DGKB: variants seen among roughly 807,000 people sequenced by gnomAD.
DGKB encodes the protein 90 kDa diacylglycerol kinase.
A neutral mutation model predicts 114.3 loss-of-function variants in DGKB; 67 were observed. The ratio of observed to expected loss-of-function variants is 0.59; its 90% CI spans 0.48 to 0.72. DGKB has a LOEUF of 0.72. Among genes scored for constraint, DGKB ranks in the 30% least tolerant of loss-of-function variants. DGKB has a pLI of 0.00. For synonymous variants in DGKB, 398 were observed against 323.1 expected, an observed-to-expected ratio of 1.23 and a Z score of -2.49; for missense variants, 907 against 975.2, an observed-to-expected ratio of 0.93 and a Z score of 0.93.
Position 14,394,527 on chromosome 7 carries a change from G to C in DGKB, c.1836-49136C>G, listed in dbSNP as rs183956370. On this transcript the variant is annotated intron_variant, in intron 21 of 25. Coordinates refer to ENST00000402815, the MANE Select transcript of DGKB (RefSeq NM_001350709.2). Reference sequence around the variant, plus strand: ...TATTAAAAATAACAATATTTCATAGGAAATTCTCTTAAATTCATCAAGGGA... The same window carrying C: ...TATTAAAAATAACAATATTTCATAGCAAATTCTCTTAAATTCATCAAGGGA... Among the ~76,000 whole-genome samples, 3 of 152,196 alleles carry C rather than the reference G, an allele frequency of 2.0e-5. No individual in the cohort carries two copies. In the East Asian group the frequency reaches 5.8e-4, roughly 29 times the overall value.
intron 20 of DGKB, among the ~76,000 whole-genome samples, chr7:14,517,107 C>T (rs947826338): frequency 1.3e-5 from 2 of 151,942 alleles, no homozygotes; most frequent in African/African-American, 4.8e-5. Context: ...CAAAAACGAA[C>T]ACATATAGAA....
chr7:14,652,895 C>T (rs1282145869), intron 13 of DGKB, among the ~76,000 whole-genome samples: 1 of 152,028 alleles, frequency 6.6e-6, no homozygotes, highest in Non-Finnish European at 1.5e-5. Context: ...CAAAAAAACA[C>T]ATGAAAAAAT....
intron 21 of DGKB, among the ~76,000 whole-genome samples, chr7:14,436,488 GA>G (rs142190053): frequency 0.34 from 50,952 of 151,602 alleles, 8,871 homozygotes; most frequent in South Asian, 0.41. Context: ...AAGCATTTCT[GA>G]CCCCCTGGAC....
At chr7:14,605,254 T>C (rs1411900441) in intron 17 of DGKB, among the ~76,000 whole-genome samples, 3 of 151,818 alleles carry the variant, frequency 2.0e-5, no homozygotes, top group Non-Finnish European at 4.4e-5. Flanking sequence ...GAACAATGTG[T>C]ATCACCTGCT....
chr7:14,794,379 C>T (rs987773783), intron 2 of DGKB, among the ~76,000 whole-genome samples: 4 of 152,114 alleles, frequency 2.6e-5, no homozygotes, highest in African/African-American at 2.4e-5. Context: ...GCATTGGATA[C>T]TCCTAATCAA....
At chr7:14,327,529 T>C (rs553837879) in intron 23 of DGKB, among the ~76,000 whole-genome samples, 1 of 152,284 alleles carries the variant, frequency 6.6e-6, no homozygotes, top group South Asian at 2.1e-4. Context: ...GTTAACATAC[T>C]TTTAAAATGA....
intron 12 of DGKB, among the ~76,000 whole-genome samples, chr7:14,673,245 A>G (rs1257273010): frequency 6.6e-6 from 1 of 152,042 alleles, no homozygotes; most frequent in African/African-American, 2.4e-5. Flanking sequence ...CATTCTATAC[A>G]TTTTATAATT....
At chr7:14,360,695 C>A (rs1235050121) in intron 21 of DGKB, among the ~76,000 whole-genome samples, 1 of 151,838 alleles carries the variant, frequency 6.6e-6, no homozygotes, top group Non-Finnish European at 1.5e-5. Flanking sequence ...AACTAGATAA[C>A]CCTGTTTAAT....
chr7:14,309,813 G>C (rs536851786), intron 23 of DGKB, among the ~76,000 whole-genome samples: 52 of 152,288 alleles, frequency 3.4e-4, no homozygotes, highest in Non-Finnish European at 6.2e-4. Flanking sequence ...ATTTCTAAGA[G>C]AGAAGAAGGG....
chr7:14,457,788 AACAG>A (rs945987026), intron 21 of DGKB, among the ~76,000 whole-genome samples: 65 of 152,222 alleles, frequency 4.3e-4, no homozygotes, highest in African/African-American at 1.5e-3. Context: ...TAGCATTTAC[AACAG>A]ACTCTCAAGT....
At chr7:14,644,779 T>C (rs561795327) in intron 13 of DGKB, among the ~76,000 whole-genome samples, 1 of 152,304 alleles carries the variant, frequency 6.6e-6, no homozygotes, top group South Asian at 2.1e-4. Context: ...CATGGAAACC[T>C]ATTGAATAAA....
intron 13 of DGKB, among the ~76,000 whole-genome samples, chr7:14,667,188 G>A (rs1431094174): frequency 6.6e-6 from 1 of 151,876 alleles, no homozygotes; most frequent in African/African-American, 2.4e-5. Context: ...ACAACGATTG[G>A]GGAGGAATGG....
At chr7:14,152,022 C>T (rs1413396782) in intron 25 of DGKB, among the ~76,000 whole-genome samples, 1 of 151,930 alleles carries the variant, frequency 6.6e-6, no homozygotes, top group African/African-American at 2.4e-5. Context: ...TCAGGTTGCT[C>T]ATGTGGGAAA....
intron 10 of DGKB, among the ~76,000 whole-genome samples, chr7:14,684,208 G>A (rs1168393755): frequency 1.3e-5 from 2 of 152,040 alleles, no homozygotes; most frequent in Admixed American, 6.6e-5. Flanking sequence ...TAAATTTCAA[G>A]TAACACAGCT....
intron 7 of DGKB, among the ~76,000 whole-genome samples, chr7:14,699,609 T>C (rs867357449): frequency 6.6e-6 from 1 of 152,318 alleles, no homozygotes; most frequent in South Asian, 2.1e-4. Flanking sequence ...TTTCAAATTA[T>C]CATTTTCTTT....
intron 21 of DGKB, among the ~76,000 whole-genome samples, chr7:14,444,341 T>C (rs911961901): frequency 5.9e-5 from 9 of 151,810 alleles, no homozygotes; most frequent in African/African-American, 1.7e-4. Context: ...TAATTGTATA[T>C]ATGAGTTTTT....
intron 19 of DGKB, among the ~76,000 whole-genome samples, chr7:14,576,981 C>A (rs1223635177): frequency 2.0e-5 from 3 of 152,124 alleles, no homozygotes; most frequent in Non-Finnish European, 4.4e-5. Flanking sequence ...TAACAAATAT[C>A]TTTTCCCTAC....
chr7:14,768,406 A>G (rs1836791993), intron 2 of DGKB, among the ~76,000 whole-genome samples: 1 of 151,936 alleles, frequency 6.6e-6, no homozygotes, highest in Non-Finnish European at 1.5e-5. Context: ...CAAAGAAACA[A>G]TACTTAAGGA....
chr7:14,717,765 C>G (rs1828453574), intron 6 of DGKB, among the ~76,000 whole-genome samples: 1 of 151,962 alleles, frequency 6.6e-6, no homozygotes, highest in South Asian at 2.1e-4. Flanking sequence ...CTTATATAAT[C>G]AAATTTATCA....
Sources: allele counts gnomAD v4.1 joint callset (sites outside exome capture counted in the v4.1 genomes callset), GRCh38; gene constraint gnomAD v4.1.1; transcripts MANE v1.5; gene names NCBI Gene and HGNC (gene_info 2026-07-23, HGNC 2026-07-21).